PCDHA2: variants seen among roughly 807,000 people sequenced by gnomAD.
PCDHA2 encodes the protein protocadherin alpha-2.
Under a neutral mutation model 66.0 loss-of-function variants are expected in PCDHA2, and 58 were observed. The ratio of observed to expected loss-of-function variants is 0.88; its 90% CI spans 0.71 to 1.09. The LOEUF is 1.09. Among genes scored for constraint, PCDHA2 ranks in the 50% least tolerant of loss-of-function variants. The pLI is 0.00. For synonymous variants in PCDHA2, 634 were observed against 554.0 expected, an observed-to-expected ratio of 1.14 and a Z score of -2.03; for missense variants, 1,267 against 1,242.3, an observed-to-expected ratio of 1.02 and a Z score of -0.30.
intron 1 of PCDHA2, among the ~76,000 whole-genome samples, chr5:140,940,019 T>C (rs1554213082): frequency 6.6e-6 from 1 of 152,230 alleles, no homozygotes; most frequent in East Asian, 1.9e-4. Context: ...TTGTGTCATA[T>C]GTTTTAAGGC....
At chr5:140,839,065 GC>G (rs1320146572) in intron 1 of PCDHA2, among the ~76,000 whole-genome samples, 1 of 152,054 alleles carries the variant, frequency 6.6e-6, no homozygotes, top group African/African-American at 2.4e-5. Context: ...ATAGAGGTAT[GC>G]AAAGTCAAAA....
intron 1 of PCDHA2, chr5:140,803,115 G>T: frequency 1.2e-6 from 2 of 1,613,830 alleles, no homozygotes; most frequent in Non-Finnish European, 1.7e-6. Flanking sequence ...CCTGGACGAG[G>T]TGGACGCCCC....
chr5:140,822,005 A>G (rs2150112895), intron 1 of PCDHA2: 13 of 1,614,110 alleles, frequency 8.1e-6, no homozygotes, highest in Non-Finnish European at 1.1e-5. Flanking sequence ...CTGGAGGTAA[A>G]TCTGCAGAAT....
At chr5:140,850,070 C>T (rs2041326470) in intron 1 of PCDHA2, 3 of 1,596,448 alleles carry the variant, frequency 1.9e-6, no homozygotes, top group Admixed American at 1.7e-5. Context: ...CGTTGGACCA[C>T]GAGGAGCTGG....
Position 140,841,177 on chromosome 5 carries a change from T to C in PCDHA2, c.2388+43825T>C, listed in dbSNP as rs1485843958. 5 of 1,089,016 alleles carry C rather than the reference T, an allele frequency of 4.6e-6. No homozygotes were observed. The East Asian group carries it at 7.7e-5, about 17-fold the overall frequency. 67.5% of individuals were successfully genotyped at this position (1,089,016 alleles called of 1,614,324 possible). ...CTACCAAGAAGTTCTGGTTGGTCAA[T>C]GTTCAAAGTCTTTTCTCTGACAGCA... On this transcript the variant is annotated intron_variant, in intron 1 of 3. Coordinates refer to ENST00000526136, the MANE Select transcript of PCDHA2 (RefSeq NM_018905.3).
chr5:140,869,296 C>A, intron 1 of PCDHA2: 1 of 1,613,602 alleles, frequency 6.2e-7, no homozygotes, highest in Non-Finnish European at 8.5e-7. Flanking sequence ...GCGCCTGTTC[C>A]GGGTGGCGTC....
Position 140,795,809 on chromosome 5 carries a change from G to A in PCDHA2, c.845G>A (p.Gly282Asp), listed in dbSNP as rs1554119572. 6.2e-7 allele frequency: 1 copy of A among 1,613,026 alleles called. No homozygotes were observed. The highest frequency in any genetic ancestry group is 1.7e-5 in the Admixed American group (1 of 60,018). ...AACAGCGAGATTGTGTATTCACTCG[G>A]TAGTGATGTGTCCTCCACTATACAG... is the stretch of plus-strand genomic sequence containing the variant. ...GPNSEIVYSL[G>D]SDVSSTIQTK... Residue 282 changes from glycine (G) to aspartate (D), a missense_variant, in exon 1 of 4, where the codon GGT becomes GAT. Gly to Asp is a moderately conservative substitution (Grantham distance 94). Transcript: ENST00000526136.
chr5:140,851,022 T>C, intron 1 of PCDHA2: 1 of 1,428,366 alleles, frequency 7.0e-7, no homozygotes, highest in Non-Finnish European at 9.2e-7. Context: ...TCTGATAAAG[T>C]AAACCCCTTA....
At chr5:140,830,362 G>T (rs1771019100) in intron 1 of PCDHA2, 1 of 1,614,120 alleles carries the variant, frequency 6.2e-7, no homozygotes, top group Non-Finnish European at 8.5e-7. Flanking sequence ...GGCGGCAGAG[G>T]GTGTGCTCCG....
chr5:140,892,661 T>A (rs2063613573), intron 1 of PCDHA2, among the ~76,000 whole-genome samples: 1 of 152,232 alleles, frequency 6.6e-6, no homozygotes, highest in Non-Finnish European at 1.5e-5. Flanking sequence ...CAGAGTGACA[T>A]TTTGATACAT....
intron 1 of PCDHA2, chr5:140,829,755 T>C (rs2150173994): frequency 6.2e-7 from 1 of 1,613,728 alleles, no homozygotes; most frequent in East Asian, 2.2e-5. Flanking sequence ...CAGGTGTTCG[T>C]GCTGGACGAG....
chr5:140,848,357 T>A (rs2150409370), intron 1 of PCDHA2: 1 of 1,035,382 alleles, frequency 9.7e-7, no homozygotes, highest in Non-Finnish European at 1.4e-6. Flanking sequence ...CCTTTTCCCA[T>A]GGGAAAGAGG....
intron 1 of PCDHA2, chr5:140,809,214 C>T: frequency 1.2e-6 from 2 of 1,614,068 alleles, no homozygotes; most frequent in Non-Finnish European, 1.7e-6. Context: ...GGACAGGCGC[C>T]AAAGGCCTCC....
chr5:140,807,714 A>T, intron 1 of PCDHA2: 1 of 1,614,204 alleles, frequency 6.2e-7, no homozygotes, highest in Non-Finnish European at 8.5e-7. Flanking sequence ...AGCCCAAATG[A>T]ATACTTTTCT....
chr5:140,903,049 A>G (rs2069961526), intron 1 of PCDHA2, among the ~76,000 whole-genome samples: 1 of 152,080 alleles, frequency 6.6e-6, no homozygotes, highest in Non-Finnish European at 1.5e-5. Flanking sequence ...TTTTCATGTA[A>G]TGACTTCTTT....
chr5:140,852,903 G>A, intron 1 of PCDHA2: 1 of 833,182 alleles, frequency 1.2e-6, no homozygotes, highest in South Asian at 5.4e-5. Flanking sequence ...TTTTGAGTCA[G>A]AGTCTCGCTC....
chr5:140,828,163 G>A (rs1244863106), intron 1 of PCDHA2: 8 of 1,614,068 alleles, frequency 5.0e-6, no homozygotes, highest in African/African-American at 1.3e-5. Context: ...TCGCAGCCTG[G>A]AAGGTGGGGA....
Position 140,938,847 on chromosome 5 carries a change from T to C in PCDHA2, c.2389-40102T>C, listed in dbSNP as rs371783438. 4.6e-5 allele frequency among the ~76,000 whole-genome samples: 7 copies of C among 152,194 alleles called. No individual in the cohort carries two copies. The South Asian group carries it at 6.2e-4, about 14-fold the overall frequency. ...GTTTGCGTTATAACAAACCTGCCCA[T>C]GTACCCCTGAACTTAAAAGTTAAGA... On this transcript the variant is annotated intron_variant, in intron 1 of 3. Transcript: ENST00000526136.
chr5:140,852,811 G>A (rs2150522776), intron 1 of PCDHA2: 7 of 973,542 alleles, frequency 7.2e-6, no homozygotes, highest in East Asian at 1.1e-4. Flanking sequence ...TTTGTCTCCC[G>A]CCCTAAGTCC....
Sources: gnomAD v4.1 joint callset for allele counts (sites outside exome capture counted in the v4.1 genomes callset) on GRCh38, gnomAD v4.1.1 for gene constraint, MANE v1.5 for transcripts, NCBI Gene and HGNC (gene_info 2026-07-23, HGNC 2026-07-21) for gene names.